Variants in MESP2 observed in about 807,000 individuals in gnomAD.
The protein encoded by MESP2 is mesoderm posterior protein 2.
Under a neutral mutation model 37.8 loss-of-function variants are expected in MESP2, and 34 were observed. That is an observed-to-expected ratio of 0.90 (90% CI 0.68 to 1.20). The LOEUF is 1.20. Ranked by LOEUF, MESP2 falls within the 50% of genes most tolerant of loss-of-function variation. The pLI is 0.00. For synonymous variants in MESP2, 303 were observed against 251.6 expected (o/e 1.20, Z -1.93); for missense variants, 646 against 545.3 (o/e 1.18, Z -1.84).
At position 89,778,344 on chromosome 15, in the gene MESP2, G is replaced by A. The variant is rs1407551013; in HGVS notation, c.*10G>A. 3.7e-6 allele frequency: 6 copies of A among 1,613,042 alleles called. No homozygotes were observed. Among genetic ancestry groups the A allele is most frequent in the Middle Eastern group, 1.7e-4 (1 of 6,054 alleles). On this transcript the variant is annotated 3_prime_UTR_variant, in exon 2 of 2. Transcript: ENST00000341735. ...GGGCATCTTCTACTAAATGGCCTCG[G>A]CTTCCCTCTTTCCATCCAGGAATCA...
At position 89,778,675 on chromosome 15, in the gene MESP2, C is replaced by T; in HGVS notation, c.*341C>T. ...AGGAGGCAGGCCCCAGGCTCTGCTT[C>T]TTGGTGACAGTTGGCCAGAGCCCTG... is the stretch of plus-strand genomic sequence containing the variant. On this transcript the variant is annotated 3_prime_UTR_variant, in exon 2 of 2. Transcript: ENST00000341735. The T allele has an allele frequency of 3.1e-6, 1 of 325,594 alleles. No homozygotes were observed. The highest frequency in any genetic ancestry group is 5.8e-6 in the Non-Finnish European group (1 of 173,198). The allele number at this position is 325,594 out of a possible 1,614,324, so 20.2% of individuals were successfully genotyped here.
Position 89,778,599 on chromosome 15 carries a change from T to A in MESP2, c.*265T>A, listed in dbSNP as rs1774492325. On this transcript the variant is annotated 3_prime_UTR_variant, in exon 2 of 2. Transcript: ENST00000341735. Reference sequence around the variant, plus strand: ...CAGTCTGAGCTGCTCTAAGAAGGGGTCTCCTTTACCCTAAAGGCAGCTGGG... The same window carrying A: ...CAGTCTGAGCTGCTCTAAGAAGGGGACTCCTTTACCCTAAAGGCAGCTGGG... 1.9e-6 allele frequency: 1 copy of A among 529,646 alleles called. No homozygotes were observed. Among genetic ancestry groups the A allele is most frequent in the African/African-American group, 1.9e-5 (1 of 52,272 alleles). 32.8% of individuals were successfully genotyped at this position (529,646 alleles called of 1,614,324 possible). A position where few individuals can be genotyped will look rare whatever the true frequency, so the allele number is the denominator to read the frequency against.
At position 89,776,641 on chromosome 15, in the gene MESP2, G is replaced by A. The variant is rs953693799; in HGVS notation, c.284G>A (p.Arg95His). Reference protein sequence around the residue: ...SASEREKLRMRTLARALHELR... With the variant: ...SASEREKLRMHTLARALHELR... The stretch of plus-strand genomic sequence containing the variant: ...AGCGAGCGGGAGAAACTGCGCATGC[G>A]CACGCTGGCCCGCGCCCTGCACGAG... The change falls in exon 1 of 2, where the codon CGC becomes CAC. Residue 95 changes from arginine to histidine, a missense_variant. By Grantham distance (29) the Arg-to-His change is conservative. Coordinates refer to ENST00000341735, the MANE Select transcript of MESP2 (RefSeq NM_001039958.2). 6 of 1,526,098 alleles carry A rather than the reference G, an allele frequency of 3.9e-6. No individual in the cohort carries two copies. Among genetic ancestry groups the A allele is most frequent in the Non-Finnish European group, 4.4e-6 (5 of 1,143,650 alleles). The allele number at this position is 1,526,098 out of a possible 1,614,324, so 94.5% of individuals were successfully genotyped here.
chr15:89,777,252 G>A lies in MESP2; in HGVS notation c.895G>A (p.Ala299Thr), dbSNP rs1968384286. The A allele has an allele frequency of 6.2e-7, 1 of 1,611,382 alleles. No homozygotes were observed. The highest frequency in any genetic ancestry group is 8.5e-7 in the Non-Finnish European group (1 of 1,179,122). The stretch of plus-strand genomic sequence containing the variant: ...ACCAGTGCCCTGGACGGCGGCCCCA[G>A]CAACTTTGGAGCTGGCCGCAGTGTA... ...NPPVPWTAAP[A>T]TLELAAVYQG... The change falls in exon 1 of 2, where the codon GCA (alanine) becomes ACA (threonine). Residue 299 changes from alanine to threonine, a missense_variant. Transcript: ENST00000341735.
At position 89,777,069 on chromosome 15, in the gene MESP2, A is replaced by G; in HGVS notation, c.712A>G (p.Arg238Gly). The G allele has an allele frequency of 3.1e-6, 5 of 1,610,850 alleles. No individual in the cohort carries two copies. Among genetic ancestry groups the G allele is most frequent in the Non-Finnish European group, 4.2e-6 (5 of 1,179,262 alleles). ...CCAAGCCGCACCCGAGCGCCTGGGG[A>G]GGGGGGTCCACGACACGGATCCCTG... The part of the protein sequence containing the change: ...GAQAAPERLG[R>G]GVHDTDPWAT... The change falls in exon 1 of 2, where the codon AGG becomes GGG. Residue 238 changes from arginine (R) to glycine (G), a missense_variant. Transcript: ENST00000341735.
In MESP2 at chr15:89,778,208, G is replaced by GGGACCAGAGGACCAGA. The variant is rs1481361626; in HGVS notation, c.1073_1074insAGAGGACCAGAGGACC (p.Gly359GlufsTer13). Reference sequence around the variant, plus strand: ...AGGTGGTGCCCAACTCAGAGGACCAGGGACCGGGCGCCGCCTTCCAGCTCA... The same window carrying GGGACCAGAGGACCAGA: ...AGGTGGTGCCCAACTCAGAGGACCAGGGACCAGAGGACCAGAGGACCGGGCGCCGCCTTCCAGCTCA... On this transcript the variant is annotated frameshift_variant, in exon 2 of 2. Coordinates refer to ENST00000341735, the MANE Select transcript of MESP2 (RefSeq NM_001039958.2). LOFTEE classifies it high-confidence loss of function. 4 of 1,613,448 alleles carry GGGACCAGAGGACCAGA rather than the reference G, an allele frequency of 2.5e-6. No individual in the cohort carries two copies. Among genetic ancestry groups the GGGACCAGAGGACCAGA allele is most frequent in the Non-Finnish European group, 2.5e-6 (3 of 1,179,960 alleles).
At position 89,778,521 on chromosome 15, in the gene MESP2, G is replaced by A. The variant is rs1247316750; in HGVS notation, c.*187G>A. 10 of 747,030 alleles carry A rather than the reference G, an allele frequency of 1.3e-5. No homozygotes were observed. In the South Asian group the frequency reaches 1.5e-4, roughly 11 times the overall value. The allele number at this position is 747,030 out of a possible 1,614,324, so 46.3% of individuals were successfully genotyped here. A position where few individuals can be genotyped will look rare whatever the true frequency, so the allele number is the denominator to read the frequency against. ...TTCCCTGGATGGAGTCAGGGCGGGG[G>A]CACTGTCCTCCACTGCTAGACACCC... On this transcript the variant is annotated 3_prime_UTR_variant, in exon 2 of 2. Transcript: ENST00000341735.
Position 89,778,191 on chromosome 15 carries a change from C to A in MESP2, c.1051C>A (p.Pro351Thr), listed in dbSNP as rs1454173038. The A allele has an allele frequency of 6.2e-7, 1 of 1,613,558 alleles. No homozygotes were observed. The highest frequency in any genetic ancestry group is 8.5e-7 in the Non-Finnish European group (1 of 1,179,998). The part of the protein sequence containing the change: ...RCWSHSAEVV[P>T]NSEDQGPGAA... The stretch of plus-strand genomic sequence containing the variant: ...CTGGAGCCACAGTGCAGAGGTGGTG[C>A]CCAACTCAGAGGACCAGGGACCGGG... The change falls in exon 2 of 2, where the codon CCC (proline) becomes ACC (threonine). Residue 351 changes from proline (P) to threonine (T), a missense_variant. Coordinates refer to ENST00000341735, the MANE Select transcript of MESP2 (RefSeq NM_001039958.2).
At position 89,778,098 on chromosome 15, in the gene MESP2, C is replaced by A. The variant is rs1218754168; in HGVS notation, c.958C>A (p.Leu320Met). 6.2e-7 allele frequency: 1 copy of A among 1,613,544 alleles called. No homozygotes were observed. Among genetic ancestry groups the A allele is most frequent in the African/African-American group, 1.3e-5 (1 of 74,864 alleles). ...TGTGTCTCCAGAGCCCTGTCTGTCG[C>A]TGGGAGCTCCATCTCTCCTGCCCCA... Reference protein sequence around the residue: ...LSVSPEPCLSLGAPSLLPHPS... With the variant: ...LSVSPEPCLSMGAPSLLPHPS... The change falls in exon 2 of 2, where the codon CTG becomes ATG. Residue 320 changes from leucine (L) to methionine (M), a missense_variant. Leu to Met is a conservative substitution (Grantham distance 15, BLOSUM62 2). Transcript: ENST00000341735.
At chr15:89,777,405 G>T (rs1203183820) in intron 1 of MESP2, 124 bp downstream of exon 1, 25 of 1,139,256 alleles carry the variant, frequency 2.2e-5, no homozygotes, top group Middle Eastern at 2.0e-4. Flanking sequence ...GGAACCCCCG[G>T]CTCCGTGGGA....
At position 89,778,359 on chromosome 15, in the gene MESP2, T is replaced by A; in HGVS notation, c.*25T>A. The A allele has an allele frequency of 6.2e-7, 1 of 1,612,936 alleles. No homozygotes were observed. Among genetic ancestry groups the A allele is most frequent in the Non-Finnish European group, 8.5e-7 (1 of 1,179,994 alleles). On this transcript the variant is annotated 3_prime_UTR_variant, in exon 2 of 2. Transcript: ENST00000341735. ...AATGGCCTCGGCTTCCCTCTTTCCA[T>A]CCAGGAATCAGTCCTGTAGCTTGGG...
Position 89,776,569 on chromosome 15 carries a change from C to T in MESP2, c.212C>T (p.Pro71Leu), listed in dbSNP as rs1345355861. The part of the protein sequence containing the change: ...SRAAEAAATT[P>L]RRARTGPAGG... ...GCCGCAGAGGCAGCCGCGACGACGC[C>T]CAGACGAGCGCGCACCGGACCAGCG... is the stretch of plus-strand genomic sequence containing the variant. The change falls in exon 1 of 2, where the codon CCC becomes CTC. Residue 71 changes from proline to leucine, a missense_variant. Pro to Leu is a moderately conservative substitution (Grantham distance 98). Transcript: ENST00000341735. The T allele has an allele frequency of 7.8e-6, 12 of 1,532,496 alleles. No homozygotes were observed. Among genetic ancestry groups the T allele is most frequent in the Non-Finnish European group, 9.6e-6 (11 of 1,145,340 alleles). 94.9% of individuals were successfully genotyped at this position (1,532,496 alleles called of 1,614,324 possible).
Position 89,778,155 on chromosome 15 carries a change from C to A in MESP2, c.1015C>A (p.Pro339Thr). Residue 339 changes from proline (P) to threonine (T), a missense_variant, in exon 2 of 2, where the codon CCC becomes ACC. Coordinates refer to ENST00000341735, the MANE Select transcript of MESP2 (RefSeq NM_001039958.2). ...PSCQRLQPQT[P>T]GRCWSHSAEV... is the part of the protein sequence containing the mutation. ...ATGCCAGAGACTGCAGCCTCAGACC[C>A]CCGGGAGGTGCTGGAGCCACAGTGC... is the stretch of plus-strand genomic sequence containing the variant. 1 of 1,613,780 alleles carries A rather than the reference C, an allele frequency of 6.2e-7. No homozygotes were observed. Among genetic ancestry groups the A allele is most frequent in the Non-Finnish European group, 8.5e-7 (1 of 1,180,020 alleles).
rs1381996933 is a variant in MESP2 at position 89,776,841 on chromosome 15, TGCCCGCTGTGCCCCGACCGTG to T, written c.489_509del (p.Leu164_Pro170del). 6.9e-7 allele frequency: 1 copy of T among 1,459,110 alleles called. No individual in the cohort carries two copies. The highest frequency in any genetic ancestry group is 9.0e-7 in the Non-Finnish European group (1 of 1,113,606). The allele number at this position is 1,459,110 out of a possible 1,614,324, so 90.4% of individuals were successfully genotyped here. On this transcript the variant is annotated inframe_deletion, in exon 1 of 2. Coordinates refer to ENST00000341735, the MANE Select transcript of MESP2 (RefSeq NM_001039958.2). ...CGGGGACGCGGGGTCCCCTTGGGGCTGCCCGCTGTGCCCCGACCGTGGCCCCGCAGAGGCGCAGACGCAGGC... is the reference window on the plus strand; with the variant it reads ...CGGGGACGCGGGGTCCCCTTGGGGCTGCCCCGCAGAGGCGCAGACGCAGGC...
chr15:89,778,456 T>A lies in MESP2; in HGVS notation c.*122T>A, dbSNP rs896844056. 34 of 1,289,868 alleles carry A rather than the reference T, an allele frequency of 2.6e-5. No individual in the cohort carries two copies. The South Asian group carries it at 3.7e-4, about 14-fold the overall frequency. The allele number at this position is 1,289,868 out of a possible 1,614,324, so 79.9% of individuals were successfully genotyped here. Reference sequence around the variant, plus strand: ...CAAGGCTCCCTTTTTCCAAGTGATGTCTTTCAGGGAAGCAGTGTTTGAAAT... The same window carrying A: ...CAAGGCTCCCTTTTTCCAAGTGATGACTTTCAGGGAAGCAGTGTTTGAAAT... On this transcript the variant is annotated 3_prime_UTR_variant, in exon 2 of 2. Transcript: ENST00000341735.
chr15:89,776,827 G>C lies in MESP2; in HGVS notation c.470G>C (p.Gly157Ala). Residue 157 changes from glycine (G) to alanine (A), a missense_variant, in exon 1 of 2, where the codon GGG becomes GCG. Gly to Ala is a moderately conservative substitution (Grantham distance 60). Transcript: ENST00000341735. ...CGGCGCAGGCAGCGCGGGGACGCGG[G>C]GTCCCCTTGGGGCTGCCCGCTGTGC... ...QCRRRQRGDA[G>A]SPWGCPLCPD... is the part of the protein sequence containing the mutation. 1.4e-6 allele frequency: 2 copies of C among 1,460,446 alleles called. No homozygotes were observed. Among genetic ancestry groups the C allele is most frequent in the South Asian group, 1.4e-5 (1 of 69,358 alleles). 90.5% of individuals were successfully genotyped at this position (1,460,446 alleles called of 1,614,324 possible). A position where few individuals can be genotyped will look rare whatever the true frequency, so the allele number is the denominator to read the frequency against.
chr15:89,778,178 T>G lies in MESP2; in HGVS notation c.1038T>G (p.Ser346Arg). ...CCCCCGGGAGGTGCTGGAGCCACAG[T>G]GCAGAGGTGGTGCCCAACTCAGAGG... ...PQTPGRCWSH[S>R]AEVVPNSEDQ... Residue 346 changes from serine to arginine, a missense_variant, in exon 2 of 2, where the codon AGT becomes AGG. By Grantham distance (110) the Ser-to-Arg change is moderately radical (BLOSUM62 -1). Transcript: ENST00000341735. 6.2e-7 allele frequency: 1 copy of G among 1,613,676 alleles called. No individual in the cohort carries two copies. Among genetic ancestry groups the G allele is most frequent in the Admixed American group, 1.7e-5 (1 of 60,010 alleles).
At position 89,776,524 on chromosome 15, in the gene MESP2, C is replaced by T. The variant is rs765646461; in HGVS notation, c.167C>T (p.Pro56Leu). 3.1e-5 allele frequency: 48 copies of T among 1,533,074 alleles called. No individual in the cohort carries two copies. The highest frequency in any genetic ancestry group is 2.3e-5 in the Non-Finnish European group (26 of 1,145,626). The allele number at this position is 1,533,074 out of a possible 1,614,324, so 95.0% of individuals were successfully genotyped here. Residue 56 changes from proline to leucine, a missense_variant, in exon 1 of 2, where the codon CCT becomes CTT. Transcript: ENST00000341735. ...DGARGLPQPQPPSCSSRAAEA... is the reference protein window; with the variant it reads ...DGARGLPQPQLPSCSSRAAEA... The stretch of plus-strand genomic sequence containing the variant: ...GCCCGCGGACTCCCGCAGCCACAGC[C>T]TCCGAGCTGCAGCTCCCGAGCCGCA...
chr15:89,778,494 C>T lies in MESP2; in HGVS notation c.*160C>T. The T allele has an allele frequency of 2.1e-6, 2 of 974,732 alleles. No homozygotes were observed. Among genetic ancestry groups the T allele is most frequent in the Non-Finnish European group, 3.1e-6 (2 of 639,788 alleles). 60.4% of individuals were successfully genotyped at this position (974,732 alleles called of 1,614,324 possible). A position where few individuals can be genotyped will look rare whatever the true frequency, so the allele number is the denominator to read the frequency against. On this transcript the variant is annotated 3_prime_UTR_variant, in exon 2 of 2. Transcript: ENST00000341735. ...CAGTGTTTGAAATAGATAGCGGGTA[C>T]CTTCCCTGGATGGAGTCAGGGCGGG...
Sources: allele counts gnomAD v4.1 joint callset, GRCh38; gene constraint gnomAD v4.1.1; transcripts MANE v1.5; gene names NCBI Gene and HGNC (gene_info 2026-07-23, HGNC 2026-07-21).